PPP1R9A: variants seen among roughly 807,000 people sequenced by gnomAD.
The protein encoded by PPP1R9A is protein phosphatase 1 regulatory subunit 9A, also known as neurabin-1.
PPP1R9A carries 59 observed loss-of-function variants against 141.9 expected under a neutral mutation model. The observed-to-expected ratio is 0.42, with a 90% confidence interval of 0.34 to 0.52. The LOEUF (loss-of-function observed/expected upper bound fraction) is 0.52, where lower values mean the gene tolerates loss of function less well. PPP1R9A is among the 20% of genes least tolerant of loss of function. PPP1R9A has a pLI of 0.10. For missense variants in PPP1R9A, 1,444 were observed against 1,611.9 expected (o/e 0.90, Z 1.78); for synonymous variants, 500 against 569.7 (o/e 0.88, Z 1.74).
At chr7:95,069,401 G>C (rs773892504) in intron 2 of PPP1R9A, among the ~76,000 whole-genome samples, 1 of 152,082 alleles carries the variant, frequency 6.6e-6, no homozygotes, top group East Asian at 1.9e-4. Flanking sequence ...ACTTTAGATA[G>C]AGTACATTCA....
intron 2 of PPP1R9A, among the ~76,000 whole-genome samples, chr7:94,986,264 T>A (rs1372474637): frequency 6.6e-6 from 1 of 152,166 alleles, no homozygotes; most frequent in Non-Finnish European, 1.5e-5. Context: ...GACTTCATGC[T>A]CTCTTATAAT....
intron 5 of PPP1R9A, among the ~76,000 whole-genome samples, chr7:95,190,198 C>A (rs1258492154): frequency 6.6e-6 from 1 of 152,172 alleles, no homozygotes; most frequent in East Asian, 1.9e-4. Context: ...TGTTCAGATT[C>A]TTTTGTCCCA....
At chr7:95,250,982 C>T (rs988968120) in intron 10 of PPP1R9A, among the ~76,000 whole-genome samples, 1 of 152,108 alleles carries the variant, frequency 6.6e-6, no homozygotes, top group Non-Finnish European at 1.5e-5. Context: ...AGTACCTTTT[C>T]TGGTCTTCCA....
intron 2 of PPP1R9A, among the ~76,000 whole-genome samples, chr7:94,946,235 T>A (rs551128492): frequency 2.0e-5 from 3 of 152,088 alleles, no homozygotes; most frequent in South Asian, 4.1e-4. Context: ...TAGATAAAAA[T>A]GTGTGAAGCA....
intron 2 of PPP1R9A, among the ~76,000 whole-genome samples, chr7:94,955,617 C>T (rs546577278): frequency 5.6e-4 from 85 of 152,216 alleles, no homozygotes; most frequent in Non-Finnish European, 1.0e-3. Flanking sequence ...TAGCTATTCT[C>T]AATGCATTCT....
rs149932357 is a variant in PPP1R9A, at chr7:95,030,694, C to G, written c.1396-80565C>G. 4.7e-3 allele frequency among the ~76,000 whole-genome samples: 715 copies of G among 152,152 alleles called. 7 individuals carry two copies. The highest frequency in any genetic ancestry group is 0.016 in the African/African-American group (676 of 41,520). On this transcript the variant is annotated intron_variant, in intron 2 of 19. Transcript: ENST00000433360. ...AAAGAACAGGGAGCAACGTTGCCTA[C>G]CTACATGCATAAAGCTGCCAGTAAT...
At chr7:95,188,479 C>T (rs1163025573) in intron 5 of PPP1R9A, among the ~76,000 whole-genome samples, 2 of 152,078 alleles carry the variant, frequency 1.3e-5, no homozygotes, top group African/African-American at 4.8e-5. Flanking sequence ...AGGTCATTTA[C>T]ACTCAGTGTT....
chr7:94,980,310 G>A (rs919856503), intron 2 of PPP1R9A, among the ~76,000 whole-genome samples: 1 of 152,082 alleles, frequency 6.6e-6, no homozygotes, highest in African/African-American at 2.4e-5. Context: ...GGACAAGCTT[G>A]CTCTAAGCAG....
At chr7:95,204,930 A>T (rs1416446400) in intron 7 of PPP1R9A, among the ~76,000 whole-genome samples, 1 of 142,430 alleles carries the variant, frequency 7.0e-6, no homozygotes, top group Admixed American at 7.1e-5. Context: ...CACACCATAC[A>T]CACACCACAT....
chr7:95,250,059 G>A lies in PPP1R9A; in HGVS notation c.2200G>A (p.Glu734Lys). 1 of 1,610,944 alleles carries A rather than the reference G, an allele frequency of 6.2e-7. No homozygotes were observed. Among genetic ancestry groups the A allele is most frequent in the Non-Finnish European group, 8.5e-7 (1 of 1,179,026 alleles). ...AGCAGAAAATGAGAAAGTGAGGTGG[G>A]AACTAGAAAAAACCCAACTCCAACA... Reference protein sequence around the residue: ...QAAENEKVRWELEKTQLQQNI... With the variant: ...QAAENEKVRWKLEKTQLQQNI... The change falls in exon 10 of 20, where the codon GAA becomes AAA. Residue 734 changes from glutamate to lysine, a missense_variant. Glu to Lys is a moderately conservative substitution (Grantham distance 56, BLOSUM62 1). Transcript: ENST00000433360.
At chr7:95,206,654 C>T (rs1025898986) in intron 7 of PPP1R9A, among the ~76,000 whole-genome samples, 4 of 152,106 alleles carry the variant, frequency 2.6e-5, no homozygotes, top group African/African-American at 7.2e-5. Context: ...GTTAATTTCT[C>T]CAATTCTAGA....
chr7:94,934,576 A>G (rs1794537571), intron 2 of PPP1R9A, among the ~76,000 whole-genome samples: 1 of 151,996 alleles, frequency 6.6e-6, no homozygotes, highest in Non-Finnish European at 1.5e-5. Context: ...CAAAACAAAT[A>G]TAGTCAGAAA....
chr7:95,237,197 T>C (rs917173728), intron 8 of PPP1R9A, among the ~76,000 whole-genome samples: 2 of 148,268 alleles, frequency 1.3e-5, no homozygotes, highest in Non-Finnish European at 3.0e-5. Flanking sequence ...TTTTTTATGG[T>C]TTTTTGTTTT....
intron 6 of PPP1R9A, among the ~76,000 whole-genome samples, chr7:95,200,452 A>AT (rs887039019): frequency 9.4e-5 from 14 of 148,248 alleles, no homozygotes; most frequent in South Asian, 6.5e-4. Flanking sequence ...AAAAAAAAAA[A>AT]TTTTTTTTTT....
At chr7:95,287,230 G>T (rs1585649426) in intron 18 of PPP1R9A, 1 of 1,408,118 alleles carries the variant, frequency 7.1e-7, no homozygotes, top group East Asian at 2.3e-5. Context: ...GACAATACAA[G>T]AATATCTTCC....
chr7:95,198,801 T>C (rs1274635740), intron 6 of PPP1R9A, among the ~76,000 whole-genome samples: 2 of 152,208 alleles, frequency 1.3e-5, no homozygotes, highest in African/African-American at 4.8e-5. Context: ...TTGGTGGAAT[T>C]GGGTGATTTT....
At chr7:95,019,274 A>C (rs1805553822) in intron 2 of PPP1R9A, among the ~76,000 whole-genome samples, 1 of 152,138 alleles carries the variant, frequency 6.6e-6, no homozygotes, top group African/African-American at 2.4e-5. Flanking sequence ...AGGCGCCTGT[A>C]ATCCCAGCTG....
chr7:95,188,604 T>G (rs1835000074), intron 5 of PPP1R9A, among the ~76,000 whole-genome samples: 2 of 150,472 alleles, frequency 1.3e-5, no homozygotes, highest in African/African-American at 2.4e-5. Flanking sequence ...TGTTTTGTTT[T>G]TTTTTTTTTT....
At chr7:95,106,371 A>G (rs1819516815) in intron 2 of PPP1R9A, among the ~76,000 whole-genome samples, 1 of 152,210 alleles carries the variant, frequency 6.6e-6, no homozygotes, top group Admixed American at 6.5e-5. Flanking sequence ...GCTTTAAATT[A>G]GGTTAAAATT....
Sources: allele counts gnomAD v4.1 joint callset (sites outside exome capture counted in the v4.1 genomes callset), GRCh38; gene constraint gnomAD v4.1.1; transcripts MANE v1.5; gene names NCBI Gene and HGNC (gene_info 2026-07-23, HGNC 2026-07-21).